Variants in CEP350 observed in about 807,000 individuals in gnomAD.
The protein encoded by CEP350 is centrosomal protein 350, also known as centrosome-associated protein 350.
In CEP350, 126 loss-of-function variants were observed where a neutral mutation model predicts 331.8. That is an observed-to-expected ratio of 0.38 (90% CI 0.33 to 0.44). The LOEUF (loss-of-function observed/expected upper bound fraction) is 0.44, where lower values mean the gene tolerates loss of function less well. CEP350 is among the 20% of genes least tolerant of loss of function. The pLI is 1.00. For missense variants in CEP350, 3,406 were observed against 3,634.6 expected, an observed-to-expected ratio of 0.94 and a Z score of 1.62; for synonymous variants, 1,200 against 1,259.5, an observed-to-expected ratio of 0.95 and a Z score of 1.00.
chr1:180,032,887 C>T (rs1656111139), intron 15 of CEP350, among the ~76,000 whole-genome samples: 1 of 151,892 alleles, frequency 6.6e-6, no homozygotes. Context: ...TTTTGTGTTT[C>T]ATACATGAAA....
At chr1:180,087,833 T>G in intron 32 of CEP350, 116 bp downstream of exon 32, 1 of 1,118,120 alleles carries the variant, frequency 8.9e-7, no homozygotes, top group Non-Finnish European at 1.2e-6. Context: ...AAAATATTAT[T>G]TTCTATTTTT....
intron 17 of CEP350, among the ~76,000 whole-genome samples, chr1:180,038,958 T>A (rs1247361760): frequency 6.6e-6 from 1 of 152,076 alleles, no homozygotes; most frequent in Non-Finnish European, 1.5e-5. Context: ...TCACACCTGT[T>A]ATCCCAGGAC....
At chr1:180,042,375 A>G (rs1015579433) in intron 19 of CEP350, among the ~76,000 whole-genome samples, 4 of 152,224 alleles carry the variant, frequency 2.6e-5, no homozygotes, top group African/African-American at 4.8e-5. Context: ...TACATAGGAT[A>G]TCACAATTCA....
At chr1:179,994,602 C>T (rs554175613) in intron 5 of CEP350, among the ~76,000 whole-genome samples, 14 of 151,650 alleles carry the variant, frequency 9.2e-5, no homozygotes, top group Admixed American at 6.6e-4. Flanking sequence ...TACAGACAGG[C>T]GCCACCACTC....
Position 180,113,768 on chromosome 1 carries a change from C to G in CEP350, c.*2607C>G, listed in dbSNP as rs1405580323. ...CCTCTTTCTAATCTTTGTTCCTTCT[C>G]CCTACACCCTCATCCTCTTTCACTC... On this transcript the variant is annotated 3_prime_UTR_variant, in exon 38 of 38. Coordinates refer to ENST00000367607, the MANE Select transcript of CEP350 (RefSeq NM_014810.5). 6.6e-6 allele frequency: 1 copy of G among 152,504 alleles called. No individual in the cohort carries two copies. The highest frequency in any genetic ancestry group is 1.5e-5 in the Non-Finnish European group (1 of 68,024). 9.4% of individuals were successfully genotyped at this position (152,504 alleles called of 1,614,324 possible).
At chr1:180,068,669 A>C (rs1311821110) in intron 27 of CEP350, among the ~76,000 whole-genome samples, 1 of 152,062 alleles carries the variant, frequency 6.6e-6, no homozygotes, top group Non-Finnish European at 1.5e-5. Flanking sequence ...AGGACACTGC[A>C]TTTTTTCTTT....
intron 11 of CEP350, among the ~76,000 whole-genome samples, chr1:180,019,169 G>A (rs1401520134): frequency 2.0e-5 from 3 of 151,918 alleles, no homozygotes; most frequent in Non-Finnish European, 4.4e-5. Flanking sequence ...TTCCTCTAAG[G>A]GTCTTCTTAA....
intron 5 of CEP350, among the ~76,000 whole-genome samples, chr1:179,994,904 A>G (rs1377078083): frequency 6.6e-6 from 1 of 152,148 alleles, no homozygotes; most frequent in African/African-American, 2.4e-5. Context: ...TTACTATGTT[A>G]TGTTGTTGTG....
In CEP350 at chr1:180,095,380, G is replaced by T. The variant is rs1660425567; in HGVS notation, c.8512-143G>T. On this transcript the variant is annotated intron_variant, in intron 34 of 37. Transcript: ENST00000367607. ...TAACTTTTTCTTAGATTGTTTATTA[G>T]TAGCCACCATATTGTTTTTTATTCT... The T allele has an allele frequency of 2.0e-5, 19 of 931,652 alleles. No individual in the cohort carries two copies. In the East Asian group the frequency reaches 5.1e-4, roughly 25 times the overall value. The allele number at this position is 931,652 out of a possible 1,614,324, so 57.7% of individuals were successfully genotyped here.
chr1:180,048,293 C>G (rs1449297390), intron 21 of CEP350, among the ~76,000 whole-genome samples: 1 of 152,142 alleles, frequency 6.6e-6, no homozygotes, highest in Non-Finnish European at 1.5e-5. Context: ...GAGTGATAAC[C>G]TAACAACACT....
rs1337122405 is a variant in CEP350 at position 180,020,353 on chromosome 1, A to G, written c.2579A>G (p.Glu860Gly). ...SINYGSAWNT[E>G]YDVQQAPQED... ...AACTATGGGTCAGCATGGAACACTG[A>G]GTATGATGTGCAGCAGGCACCTCAA... Residue 860 changes from glutamate (E) to glycine (G), a missense_variant, in exon 12 of 38, where the codon GAG becomes GGG. By Grantham distance (98) the Glu-to-Gly change is moderately conservative. Coordinates refer to ENST00000367607, the MANE Select transcript of CEP350 (RefSeq NM_014810.5). The G allele has an allele frequency of 1.9e-6, 3 of 1,613,882 alleles. No individual in the cohort carries two copies. In the South Asian group the frequency reaches 3.3e-5, roughly 18 times the overall value.
intron 28 of CEP350, among the ~76,000 whole-genome samples, chr1:180,078,066 A>G (rs1659342418): frequency 6.6e-6 from 1 of 152,044 alleles, no homozygotes; most frequent in African/African-American, 2.4e-5. Flanking sequence ...CCGGGAAGCG[A>G]AGGTTACAGT....
Position 180,024,491 on chromosome 1 carries a change from C to G in CEP350, c.3459C>G (p.Thr1153=), listed in dbSNP as rs984651543. 2 of 1,613,256 alleles carry G rather than the reference C, an allele frequency of 1.2e-6. No individual in the cohort carries two copies. Among genetic ancestry groups the G allele is most frequent in the Admixed American group, 1.7e-5 (1 of 59,994 alleles). ...SAYDPSSVDV[T]SQHSSGAQSA... Reference sequence around the variant, plus strand: ...ATGATCCTTCCTCTGTGGATGTTACCTCCCAGCATTCATCAGGAGCCCAGT... The same window carrying G: ...ATGATCCTTCCTCTGTGGATGTTACGTCCCAGCATTCATCAGGAGCCCAGT... The change falls in exon 14 of 38, where the codon ACC becomes ACG. Residue 1153 remains threonine (T), a synonymous_variant. Transcript: ENST00000367607.
At chr1:180,089,620 T>A (rs910696169) in intron 32 of CEP350, among the ~76,000 whole-genome samples, 6 of 151,510 alleles carry the variant, frequency 4.0e-5, no homozygotes, top group Non-Finnish European at 7.4e-5. Flanking sequence ...TAAGTTAAAG[T>A]GCTAGATGGG....
intron 25 of CEP350, 24 bp from the exon 26 acceptor site, chr1:180,062,196 C>G: frequency 6.4e-7 from 1 of 1,564,788 alleles, no homozygotes. Context: ...ATCTTAATCC[C>G]TCTCTTAACT....
intron 6 of CEP350, 48 bp downstream of exon 6, chr1:179,997,223 CT>C: frequency 6.4e-7 from 1 of 1,553,842 alleles, no homozygotes. Flanking sequence ...CTTTGTTCTT[CT>C]TTCTCCCTAG....
intron 23 of CEP350, 41 bp from the exon 24 acceptor site, chr1:180,053,709 G>A: frequency 7.9e-7 from 1 of 1,273,626 alleles, no homozygotes; most frequent in East Asian, 2.4e-5. Context: ...AGTACCAAAA[G>A]GTTAGATGAT....
intron 6 of CEP350, among the ~76,000 whole-genome samples, chr1:180,002,668 A>G (rs1308214977): frequency 2.6e-5 from 4 of 152,202 alleles, no homozygotes; most frequent in Non-Finnish European, 5.9e-5. Context: ...CATTGTTAAT[A>G]ATAGCCAAAA....
chr1:179,965,542 A>G (rs1261289378), intron 1 of CEP350, among the ~76,000 whole-genome samples: 1 of 150,534 alleles, frequency 6.6e-6, no homozygotes, highest in African/African-American at 2.4e-5. Context: ...TTACAGAAGG[A>G]TTTCAGAATA....
Sources: allele counts gnomAD v4.1 joint callset (sites outside exome capture counted in the v4.1 genomes callset), GRCh38; gene constraint gnomAD v4.1.1; transcripts MANE v1.5; gene names NCBI Gene and HGNC (gene_info 2026-07-23, HGNC 2026-07-21).